FRMD6: variants seen among roughly 807,000 people sequenced by gnomAD.
FRMD6 encodes FERM domain-containing protein 6.
FRMD6 carries 37 observed loss-of-function variants against 73.2 expected under a neutral mutation model. That is an observed-to-expected ratio of 0.51 (90% CI 0.39 to 0.66). The LOEUF is 0.66. Among genes scored for constraint, FRMD6 ranks in the 30% least tolerant of loss-of-function variants. The pLI, the probability that FRMD6 is intolerant of heterozygous loss-of-function variation, is 0.00. For synonymous variants in FRMD6, 273 were observed against 282.2 expected (o/e 0.97, Z 0.33); for missense variants, 714 against 780.5 (o/e 0.91, Z 1.02).
chr14:51,551,043 A>C (rs1001105356), intron 1 of FRMD6, among the ~76,000 whole-genome samples: 5 of 152,160 alleles, frequency 3.3e-5, no homozygotes, highest in African/African-American at 7.2e-5. Context: ...GTCAGAAATC[A>C]TGGTCTATCT....
chr14:51,413,781 T>G, the FRMD6 span, among the ~76,000 whole-genome samples: 1 of 152,190 alleles, frequency 6.6e-6, no homozygotes, highest in Non-Finnish European at 1.5e-5. Flanking sequence ...ACCAACAGTG[T>G]TAAAACATTC....
At chr14:51,410,239 A>C in the FRMD6 span, among the ~76,000 whole-genome samples, 1 of 152,214 alleles carries the variant, frequency 6.6e-6, no homozygotes, top group Non-Finnish European at 1.5e-5. Context: ...CGTGTCCCTG[A>C]CCACTACAGT....
At chr14:51,604,137 G>T (rs923020485) in intron 2 of FRMD6, among the ~76,000 whole-genome samples, 1 of 152,202 alleles carries the variant, frequency 6.6e-6, no homozygotes, top group Non-Finnish European at 1.5e-5. Flanking sequence ...AATAGTGAGA[G>T]ACCGCTAGAT....
the FRMD6 span, among the ~76,000 whole-genome samples, chr14:51,426,288 C>T: frequency 6.6e-6 from 1 of 152,114 alleles, no homozygotes; most frequent in African/African-American, 2.4e-5. Context: ...CCCTCCAGAT[C>T]CTCCACCTAG....
the FRMD6 span, among the ~76,000 whole-genome samples, chr14:51,428,817 G>T: frequency 6.6e-6 from 1 of 151,988 alleles, no homozygotes; most frequent in Admixed American, 6.6e-5. Context: ...CACTAAGCCT[G>T]GTCCTTAAAA....
At chr14:51,586,131 C>T (rs1490474989) in intron 2 of FRMD6, among the ~76,000 whole-genome samples, 3 of 151,284 alleles carry the variant, frequency 2.0e-5, no homozygotes, top group Non-Finnish European at 4.4e-5. Flanking sequence ...AACGATAGGT[C>T]TGTTCTAAGT....
the FRMD6 span, chr14:51,436,551 TG>T: frequency 1.5e-6 from 1 of 657,764 alleles, no homozygotes; most frequent in South Asian, 1.6e-5. Flanking sequence ...TGAAATCAAA[TG>T]GAAATCTGGA....
the FRMD6 span, among the ~76,000 whole-genome samples, chr14:51,469,830 G>A: frequency 1.3e-5 from 2 of 151,868 alleles, no homozygotes; most frequent in Admixed American, 1.3e-4. Context: ...AAATGTTTGT[G>A]TAAGATTGCT....
intron 2 of FRMD6, among the ~76,000 whole-genome samples, chr14:51,606,821 G>T (rs1324694399): frequency 1.3e-5 from 2 of 152,130 alleles, no homozygotes; most frequent in Non-Finnish European, 2.9e-5. Context: ...CAAGTCCTAA[G>T]GCCTCAGAAC....
chr14:51,547,031 A>G (rs1278344312), intron 1 of FRMD6, among the ~76,000 whole-genome samples: 2 of 152,170 alleles, frequency 1.3e-5, no homozygotes, highest in Admixed American at 6.5e-5. Flanking sequence ...CCCATGGTAC[A>G]ATGACCTTAG....
chr14:51,437,721 C>T, the FRMD6 span, among the ~76,000 whole-genome samples: 4 of 152,146 alleles, frequency 2.6e-5, no homozygotes, highest in African/African-American at 9.7e-5. Flanking sequence ...TTTCTCTACA[C>T]CATGGTTCTC....
chr14:51,706,436 C>T (rs1354460896), intron 6 of FRMD6, among the ~76,000 whole-genome samples: 1 of 152,058 alleles, frequency 6.6e-6, no homozygotes, highest in African/African-American at 2.4e-5. Context: ...AGCTCAGGCT[C>T]CCATGCATAA....
intron 1 of FRMD6, among the ~76,000 whole-genome samples, chr14:51,529,321 C>T (rs900127402): frequency 6.6e-6 from 1 of 152,196 alleles, no homozygotes; most frequent in African/African-American, 2.4e-5. Context: ...TAACAATAAT[C>T]ATGAAAATGC....
At chr14:51,510,363 T>G (rs1052583736) in intron 1 of FRMD6, among the ~76,000 whole-genome samples, 3 of 152,220 alleles carry the variant, frequency 2.0e-5, no homozygotes, top group Non-Finnish European at 2.9e-5. Flanking sequence ...CTCATCCACC[T>G]GAGTTCACCT....
chr14:51,656,854 AC>A (rs2140132636), intron 1 of FRMD6, among the ~76,000 whole-genome samples: 1 of 152,272 alleles, frequency 6.6e-6, no homozygotes, highest in East Asian at 1.9e-4. Flanking sequence ...GATAATTCTG[AC>A]CAAAAATATC....
intron 2 of FRMD6, among the ~76,000 whole-genome samples, chr14:51,587,302 G>C (rs997770242): frequency 5.9e-5 from 9 of 152,058 alleles, no homozygotes; most frequent in African/African-American, 1.9e-4. Flanking sequence ...AGATTGAGGT[G>C]GCTTCTCTGA....
the FRMD6 span, among the ~76,000 whole-genome samples, chr14:51,476,541 C>G: frequency 1.3e-5 from 2 of 152,170 alleles, no homozygotes; most frequent in African/African-American, 4.8e-5. Context: ...TTCACCAATA[C>G]TCTGCTGGCA....
intron 1 of FRMD6, among the ~76,000 whole-genome samples, chr14:51,502,106 G>A (rs1053699618): frequency 2.1e-4 from 32 of 151,780 alleles, no homozygotes; most frequent in African/African-American, 2.4e-5. Context: ...TCTTAAAATA[G>A]CTGGATATTA....
intron 1 of FRMD6, among the ~76,000 whole-genome samples, chr14:51,502,312 T>G (rs989424626): frequency 6.6e-6 from 1 of 152,244 alleles, no homozygotes; most frequent in African/African-American, 2.4e-5. Flanking sequence ...GATTTCCTTC[T>G]AGAGCTTTTA....
Sources: gnomAD v4.1 joint callset for allele counts (sites outside exome capture counted in the v4.1 genomes callset) on GRCh38, gnomAD v4.1.1 for gene constraint, MANE v1.5 for transcripts, NCBI Gene and HGNC (gene_info 2026-07-23, HGNC 2026-07-21) for gene names.